GRIK1: variants seen among roughly 807,000 people sequenced by gnomAD.
GRIK1 encodes the protein glutamate receptor ionotropic, kainate 1.
A neutral mutation model predicts 105.7 loss-of-function variants in GRIK1; 69 were observed. The ratio of observed to expected loss-of-function variants is 0.65; its 90% CI spans 0.54 to 0.80. The LOEUF is 0.80. GRIK1 is among the 30% of genes least tolerant of loss of function. The pLI is 0.00. For synonymous variants in GRIK1, 438 were observed against 431.3 expected, an observed-to-expected ratio of 1.02 and a Z score of -0.19; for missense variants, 1,109 against 1,167.3, an observed-to-expected ratio of 0.95 and a Z score of 0.73.
At chr21:29,619,932 G>C (rs1202771813) in intron 7 of GRIK1, among the ~76,000 whole-genome samples, 1 of 152,160 alleles carries the variant, frequency 6.6e-6, no homozygotes, top group African/African-American at 2.4e-5. Context: ...ATGTTGTGAG[G>C]ATGAGAGCTA....
chr21:29,823,876 T>A (rs1044176569), intron 1 of GRIK1, among the ~76,000 whole-genome samples: 5 of 151,952 alleles, frequency 3.3e-5, no homozygotes. Flanking sequence ...GAATATATAT[T>A]TATATAGTCT....
chr21:29,824,445 A>G (rs572230068), intron 1 of GRIK1, among the ~76,000 whole-genome samples: 33 of 152,148 alleles, frequency 2.2e-4, no homozygotes, highest in Non-Finnish European at 4.1e-4. Context: ...AAAGTTAAAC[A>G]TATAAAAAAA....
rs138624436 is a variant in GRIK1 at position 29,578,488 on chromosome 21, T to G, written c.1913-1307A>C. Among the ~76,000 whole-genome samples the G allele has an allele frequency of 4.4e-3, 667 of 152,294 alleles. 1 individual carries two copies. The highest frequency in any genetic ancestry group is 9.3e-3 in the South Asian group (45 of 4,824). ...GAAATCACAGCCAGCTCAAGGCCAG[T>G]GATAATCAGATCAAGGTCGCCAGAG... On this transcript the variant is annotated intron_variant, in intron 13 of 17. Transcript: ENST00000327783.
rs113735633 is a variant in GRIK1 at position 29,813,174 on chromosome 21, G to T, written c.119-119111C>A. Among the ~76,000 whole-genome samples the T allele has an allele frequency of 2.0e-5, 3 of 152,188 alleles. 1 individual carries two copies. The highest frequency in any genetic ancestry group is 7.2e-5 in the African/African-American group (3 of 41,542). On this transcript the variant is annotated intron_variant, in intron 1 of 17. Transcript: ENST00000327783. ...ATTCAAGGAGGTGCTGCCAAGATTT[G>T]GTGACAACAGGCATTGTGGAATTGC...
intron 1 of GRIK1, among the ~76,000 whole-genome samples, chr21:29,863,217 C>T (rs2068699451): frequency 6.6e-6 from 1 of 152,094 alleles, no homozygotes; most frequent in Non-Finnish European, 1.5e-5. Flanking sequence ...TATTGGAGAG[C>T]TTTTATAAAA....
chr21:29,808,853 A>G (rs2205179), intron 1 of GRIK1, among the ~76,000 whole-genome samples: 60,182 of 152,002 alleles, frequency 0.4, 14,005 homozygotes, highest in South Asian at 0.54. Context: ...AAATATGGCA[A>G]AGAAATATAC....
chr21:29,757,042 G>A (rs945564615), intron 1 of GRIK1, among the ~76,000 whole-genome samples: 44 of 152,126 alleles, frequency 2.9e-4, no homozygotes, highest in African/African-American at 1.0e-3. Context: ...GCTTGAACCT[G>A]GGAGGCAGAG....
intron 1 of GRIK1, among the ~76,000 whole-genome samples, chr21:29,777,486 G>A (rs145131445): frequency 6.6e-6 from 1 of 152,274 alleles, no homozygotes; most frequent in African/African-American, 2.4e-5. Flanking sequence ...AGAGAGAAAA[G>A]GTAATTGGAG....
intron 13 of GRIK1, among the ~76,000 whole-genome samples, chr21:29,580,135 A>G (rs944990316): frequency 1.4e-5 from 2 of 143,408 alleles, no homozygotes; most frequent in South Asian, 2.1e-4. Context: ...ATACACACAT[A>G]TATATACATA....
intron 1 of GRIK1, among the ~76,000 whole-genome samples, chr21:29,727,106 G>C (rs542436507): frequency 6.6e-6 from 1 of 151,570 alleles, no homozygotes; most frequent in African/African-American, 2.4e-5. Flanking sequence ...TTGTATTTTC[G>C]GTAGAGATGG....
chr21:29,654,130 G>A (rs1253723825), intron 5 of GRIK1, among the ~76,000 whole-genome samples: 4 of 152,188 alleles, frequency 2.6e-5, no homozygotes, highest in Non-Finnish European at 5.9e-5. Flanking sequence ...TGGAATGTGT[G>A]AGTGTGTAGG....
At chr21:29,677,483 G>T (rs1686903139) in intron 3 of GRIK1, among the ~76,000 whole-genome samples, 1 of 151,810 alleles carries the variant, frequency 6.6e-6, no homozygotes. Context: ...ACTTGCTTTG[G>T]CCGCCTGTCT....
At chr21:29,742,649 T>A (rs1256166626) in intron 1 of GRIK1, among the ~76,000 whole-genome samples, 1 of 152,254 alleles carries the variant, frequency 6.6e-6, no homozygotes, top group Non-Finnish European at 1.5e-5. Flanking sequence ...ATGTATACAG[T>A]CAAATTTATC....
At chr21:29,866,610 C>T (rs1267451292) in intron 1 of GRIK1, among the ~76,000 whole-genome samples, 1 of 151,972 alleles carries the variant, frequency 6.6e-6, no homozygotes, top group East Asian at 1.9e-4. Flanking sequence ...ACTTTTGGAT[C>T]TAAAATTGGG....
At chr21:29,638,988 T>A (rs2062454091) in intron 7 of GRIK1, among the ~76,000 whole-genome samples, 1 of 152,220 alleles carries the variant, frequency 6.6e-6, no homozygotes, top group Non-Finnish European at 1.5e-5. Flanking sequence ...GACAGCAAAG[T>A]GTGATGAAAT....
chr21:29,871,929 A>C (rs1169738397), intron 1 of GRIK1, among the ~76,000 whole-genome samples: 3 of 147,658 alleles, frequency 2.0e-5, no homozygotes, highest in African/African-American at 7.3e-5. Flanking sequence ...ATGCCTGGCT[A>C]ATTTTTGTAT....
chr21:29,659,358 C>T (rs959881622), intron 4 of GRIK1, among the ~76,000 whole-genome samples: 1 of 152,142 alleles, frequency 6.6e-6, no homozygotes, highest in Non-Finnish European at 1.5e-5. Flanking sequence ...GTTTTCCCCC[C>T]CTACCTCTAA....
At chr21:29,685,179 A>G (rs1338376771) in intron 3 of GRIK1, among the ~76,000 whole-genome samples, 2 of 152,234 alleles carry the variant, frequency 1.3e-5, no homozygotes. Context: ...TTTTTAAAAA[A>G]CTATATAAAA....
intron 1 of GRIK1, among the ~76,000 whole-genome samples, chr21:29,732,167 C>T (rs1168183159): frequency 1.3e-5 from 2 of 152,132 alleles, no homozygotes; most frequent in African/African-American, 4.8e-5. Context: ...AATAAAGTAT[C>T]CCAGTTTGCC....
Sources: allele counts gnomAD v4.1 joint callset (sites outside exome capture counted in the v4.1 genomes callset), GRCh38; gene constraint gnomAD v4.1.1; transcripts MANE v1.5; gene names NCBI Gene and HGNC (gene_info 2026-07-23, HGNC 2026-07-21).